Variants in ADAM33 observed in about 807,000 individuals in gnomAD.
The protein encoded by ADAM33 is disintegrin and metalloproteinase domain-containing protein 33.
In ADAM33, 103 loss-of-function variants were observed where a neutral mutation model predicts 106.2. The observed-to-expected ratio is 0.97, with a 90% confidence interval of 0.83 to 1.14. ADAM33 has a LOEUF of 1.14. ADAM33 is among the 50% of genes most tolerant of loss of function. ADAM33 has a pLI of 0.00. For missense variants in ADAM33, 1,120 were observed against 1,096.6 expected, an observed-to-expected ratio of 1.02 and a Z score of -0.30; for synonymous variants, 483 against 453.0, an observed-to-expected ratio of 1.07 and a Z score of -0.84.
chr20:3,678,993 C>T (rs569009396), intron 2 of ADAM33, among the ~76,000 whole-genome samples: 1 of 151,092 alleles, frequency 6.6e-6, no homozygotes, highest in South Asian at 2.1e-4. Context: ...GTGACCACTG[C>T]CCCCCCGATA....
At chr20:3,669,182 C>T (rs562548888) in intron 21 of ADAM33, 117 bp downstream of exon 21, 1 of 1,135,084 alleles carries the variant, frequency 8.8e-7, no homozygotes, top group East Asian at 2.8e-5. Flanking sequence ...GTCATAAACT[C>T]ATTTCCATAA....
chr20:3,669,295 C>T lies in ADAM33; in HGVS notation c.2404+4G>A. The T allele has an allele frequency of 4.4e-6, 7 of 1,582,168 alleles. No homozygotes were observed. Among genetic ancestry groups the T allele is most frequent in the Non-Finnish European group, 6.0e-6 (7 of 1,170,550 alleles). On this transcript the variant is annotated splice_donor_region_variant and intron_variant, in intron 21 of 21. Coordinates refer to ENST00000356518, the MANE Select transcript of ADAM33 (RefSeq NM_025220.5). ...GGAGGCTTTGAATCCAGGTCCCTGCCTACCTTGGGGGTCAGGCGAGACTGC... is the reference window on the plus strand; with the variant it reads ...GGAGGCTTTGAATCCAGGTCCCTGCTTACCTTGGGGGTCAGGCGAGACTGC...
intron 11 of ADAM33, chr20:3,673,142 C>T (rs957310504): frequency 6.7e-7 from 1 of 1,481,690 alleles, no homozygotes; most frequent in African/African-American, 1.4e-5. Flanking sequence ...AGTAACCTCG[C>T]CAGGTTACTC....
chr20:3,671,087 A>AGGCC lies in ADAM33; in HGVS notation c.2155_2158dup (p.Leu720ArgfsTer62). The AGGCC allele has an allele frequency of 6.3e-7, 1 of 1,587,880 alleles. No individual in the cohort carries two copies. Among genetic ancestry groups the AGGCC allele is most frequent in the Non-Finnish European group, 8.6e-7 (1 of 1,167,146 alleles). On this transcript the variant is annotated frameshift_variant, in exon 19 of 22. Coordinates refer to ENST00000356518, the MANE Select transcript of ADAM33 (RefSeq NM_025220.5). LOFTEE classifies it high-confidence loss of function. ...TGGGAGTCGGTAGCAACACCAGGCC[A>AGGCC]GGCCGGCCCCTGGGAGCAGAGGCAG...
chr20:3,673,785 G>A lies in ADAM33; in HGVS notation c.865C>T (p.Leu289=). 1 of 1,533,626 alleles carries A rather than the reference G, an allele frequency of 6.5e-7. No individual in the cohort carries two copies. Among genetic ancestry groups the A allele is most frequent in the Non-Finnish European group, 8.7e-7 (1 of 1,145,538 alleles). ...LWAFLQWRRG[L]WAQRPHDSAQ... ...GAGTCGTGGGGCCGCTGCGCCCACAGCCCCCGGCGCCACTGCAGGAAGGCC... is the reference window on the plus strand; with the variant it reads ...GAGTCGTGGGGCCGCTGCGCCCACAACCCCCGGCGCCACTGCAGGAAGGCC... Residue 289 remains leucine (L), a synonymous_variant, in exon 9 of 22, where the codon CTG becomes TTG. Coordinates refer to ENST00000356518, the MANE Select transcript of ADAM33 (RefSeq NM_025220.5).
chr20:3,680,907 G>A (rs1342357948), intron 1 of ADAM33, among the ~76,000 whole-genome samples: 3 of 152,152 alleles, frequency 2.0e-5, no homozygotes, highest in Non-Finnish European at 4.4e-5. Context: ...CGGGTGAATG[G>A]GGGTGGAACC....
chr20:3,671,020 G>C lies in ADAM33; in HGVS notation c.2226C>G (p.Asp742Glu), dbSNP rs1200743170. The C allele has an allele frequency of 1.3e-6, 2 of 1,551,432 alleles. No homozygotes were observed. The highest frequency in any genetic ancestry group is 1.4e-5 in the African/African-American group (1 of 73,340). ...TCGGAGCCTACCCACTGCACGCAGG[G>C]TCCCTTCTGCAGCCCCAGCTGCATC... ...LQRCSWGCRR[D>E]PACSGPKDGP... is the part of the protein sequence containing the mutation. Residue 742 changes from aspartate to glutamate, a missense_variant, in exon 19 of 22, where the codon GAC becomes GAG. By Grantham distance (45) the Asp-to-Glu change is conservative. Coordinates refer to ENST00000356518, the MANE Select transcript of ADAM33 (RefSeq NM_025220.5).
chr20:3,680,499 C>G (rs1287481042), intron 1 of ADAM33, among the ~76,000 whole-genome samples: 12 of 152,202 alleles, frequency 7.9e-5, no homozygotes, highest in Non-Finnish European at 1.6e-4. Flanking sequence ...TCCCAGACTA[C>G]AAACATCAAA....
At position 3,672,544 on chromosome 20, in the gene ADAM33, C is replaced by T. The variant is rs1481654912; in HGVS notation, c.1394G>A (p.Arg465His). The T allele has an allele frequency of 1.9e-6, 3 of 1,612,998 alleles. No homozygotes were observed. The highest frequency in any genetic ancestry group is 2.2e-5 in the East Asian group (1 of 44,874). The change falls in exon 13 of 22, where the codon CGC (arginine) becomes CAC (histidine). Residue 465 changes from arginine (R) to histidine (H), a missense_variant. Arg to His is a conservative substitution (Grantham distance 29). Coordinates refer to ENST00000356518, the MANE Select transcript of ADAM33 (RefSeq NM_025220.5). Reference sequence around the variant, plus strand: ...AACCTTCCATGCCCTCACCAGGCAGCGCACGCAGCAGTCCCCGTGGGCGCA... The same window carrying T: ...AACCTTCCATGCCCTCACCAGGCAGTGCACGCAGCAGTCCCCGTGGGCGCA... Reference protein sequence around the residue: ...AQCAHGDCCVRCLLKPAGALC... With the variant: ...AQCAHGDCCVHCLLKPAGALC...
chr20:3,681,305 C>A (rs913751823), intron 1 of ADAM33, among the ~76,000 whole-genome samples: 1 of 152,204 alleles, frequency 6.6e-6, no homozygotes, highest in Admixed American at 6.5e-5. Flanking sequence ...GCTAAACAGA[C>A]ACCTTCTATC....
rs769695564 is a variant in ADAM33, at chr20:3,673,353, C to G, written c.1133+1G>C. The G allele has an allele frequency of 1.4e-5, 22 of 1,538,622 alleles. No homozygotes were observed. The Middle Eastern group carries it at 5.6e-4, about 39-fold the overall frequency. On this transcript the variant is annotated splice_donor_variant, in intron 11 of 21. Coordinates refer to ENST00000356518, the MANE Select transcript of ADAM33 (RefSeq NM_025220.5). LOFTEE classifies it high-confidence loss of function. ...GCAGCCCCGACCCCCCACCCGCGTA[C>G]CCGGTGGCCGCAGCCATGACGCAGC...
At position 3,672,755 on chromosome 20, in the gene ADAM33, T is replaced by C. The variant is rs2087630712; in HGVS notation, c.1277A>G (p.Glu426Gly). 1 of 1,568,168 alleles carries C rather than the reference T, an allele frequency of 6.4e-7. No individual in the cohort carries two copies. The highest frequency in any genetic ancestry group is 8.6e-7 in the Non-Finnish European group (1 of 1,156,576). The change falls in exon 12 of 22, where the codon GAA becomes GGA. Residue 426 changes from glutamate to glycine, a missense_variant. Glu to Gly is a moderately conservative substitution (Grantham distance 98). Coordinates refer to ENST00000356518, the MANE Select transcript of ADAM33 (RefSeq NM_025220.5). ...GCCGCAGTCACACTCCTCGCCCGCT[T>C]CCACGAAGCCGTTCCCGCAGAGCGC... Reference protein sequence around the residue: ...PPALCGNGFVEAGEECDCGPG... With the variant: ...PPALCGNGFVGAGEECDCGPG...
chr20:3,673,944 G>T, intron 8 of ADAM33, 33 bp from the exon 9 acceptor site: 1 of 1,576,086 alleles, frequency 6.3e-7, no homozygotes. Flanking sequence ...GCCGGGACAG[G>T]GCGCCCCATC....
intron 2 of ADAM33, among the ~76,000 whole-genome samples, chr20:3,677,373 G>A (rs563899006): frequency 3.9e-5 from 6 of 152,300 alleles, no homozygotes; most frequent in Admixed American, 1.3e-4. Context: ...TTGGAAGGGC[G>A]TTGGCACAGC....
rs2087568214 is a variant in ADAM33, at chr20:3,672,005, G to A, written c.1598-20C>T. 2.6e-6 allele frequency: 4 copies of A among 1,553,190 alleles called. No homozygotes were observed. The South Asian group carries it at 4.7e-5, about 18-fold the overall frequency. Reference sequence around the variant, plus strand: ...GGGAGCCTGAGGAAGCATGGGCCAGGCTGGGGGCAGCTCGGAGAGGGGCTG... The same window carrying A: ...GGGAGCCTGAGGAAGCATGGGCCAGACTGGGGGCAGCTCGGAGAGGGGCTG... On this transcript the variant is annotated intron_variant, in intron 14 of 21. Coordinates refer to ENST00000356518, the MANE Select transcript of ADAM33 (RefSeq NM_025220.5).
chr20:3,679,002 T>A (rs1370147303), intron 2 of ADAM33, among the ~76,000 whole-genome samples: 1 of 152,030 alleles, frequency 6.6e-6, no homozygotes, highest in African/African-American at 2.4e-5. Flanking sequence ...GCCCCCCCGA[T>A]ACCAGAAGTG....
rs771983086 is a variant in ADAM33 at position 3,672,733 on chromosome 20, G to A, written c.1299C>T (p.Cys433=). ...GFVEAGEECD[C]GPGQECRDLC... ...GAGCCGACTTAACCTGGCCAGGGCCGCAGTCACACTCCTCGCCCGCTTCCA... is the reference window on the plus strand; with the variant it reads ...GAGCCGACTTAACCTGGCCAGGGCCACAGTCACACTCCTCGCCCGCTTCCA... The change falls in exon 12 of 22, where the codon TGC becomes TGT. Residue 433 remains cysteine, a synonymous_variant. Coordinates refer to ENST00000356518, the MANE Select transcript of ADAM33 (RefSeq NM_025220.5). 26 of 1,573,306 alleles carry A rather than the reference G, an allele frequency of 1.7e-5. No homozygotes were observed. Among genetic ancestry groups the A allele is most frequent in the Non-Finnish European group, 2.2e-5 (25 of 1,158,990 alleles).
At chr20:3,679,839 C>T (rs374092119) in intron 1 of ADAM33, among the ~76,000 whole-genome samples, 31 of 152,204 alleles carry the variant, frequency 2.0e-4, no homozygotes, top group Admixed American at 4.6e-4. Context: ...TGACCTTTGT[C>T]GGGGGGCAGG....
chr20:3,672,726 C>G lies in ADAM33; in HGVS notation c.1306G>C (p.Gly436Arg). ...GCCGGGCGAGCCGACTTAACCTGGC[C>G]AGGGCCGCAGTCACACTCCTCGCCC... is the stretch of plus-strand genomic sequence containing the variant. ...EAGEECDCGP[G>R]QECRDLCCFA... Residue 436 changes from glycine (G) to arginine (R), a missense_variant, in exon 12 of 22, where the codon GGC becomes CGC. Gly to Arg is a moderately radical substitution (Grantham distance 125). Coordinates refer to ENST00000356518, the MANE Select transcript of ADAM33 (RefSeq NM_025220.5). 1.9e-6 allele frequency: 3 copies of G among 1,576,844 alleles called. No individual in the cohort carries two copies. The highest frequency in any genetic ancestry group is 2.6e-6 in the Non-Finnish European group (3 of 1,160,352).
Sources: allele counts gnomAD v4.1 joint callset (sites outside exome capture counted in the v4.1 genomes callset), GRCh38; gene constraint gnomAD v4.1.1; transcripts MANE v1.5; gene names NCBI Gene and HGNC (gene_info 2026-07-23, HGNC 2026-07-21).